Variants in CA10 observed in about 807,000 individuals in gnomAD.
The protein encoded by CA10 is carbonic anhydrase-related protein 10.
CA10 carries 14 observed loss-of-function variants against 44.2 expected under a neutral mutation model. The observed-to-expected ratio is 0.32, with a 90% CI of 0.21 to 0.50. The LOEUF (loss-of-function observed/expected upper bound fraction) is 0.50. Among genes scored for constraint, CA10 ranks in the 20% least tolerant of loss-of-function variants. CA10 has a pLI of 0.99. For synonymous variants in CA10, 159 were observed against 141.6 expected, an observed-to-expected ratio of 1.12 and a Z score of -0.87; for missense variants, 350 against 409.7, an observed-to-expected ratio of 0.85 and a Z score of 1.26.
intron 1 of CA10, among the ~76,000 whole-genome samples, chr17:52,108,187 ATATT>A (rs1255976990): frequency 8.6e-5 from 4 of 46,654 alleles, no homozygotes; most frequent in Admixed American, 3.9e-4. Flanking sequence ...TTTTATATAT[ATATT>A]TTTTATATAT....
At chr17:51,687,447 A>G (rs1347990968) in intron 4 of CA10, among the ~76,000 whole-genome samples, 1 of 152,256 alleles carries the variant, frequency 6.6e-6, no homozygotes, top group Non-Finnish European at 1.5e-5. Context: ...TCAATGCCTA[A>G]TATAGAGCCT....
intron 1 of CA10, among the ~76,000 whole-genome samples, chr17:52,146,302 G>A (rs1225503833): frequency 6.6e-6 from 1 of 152,180 alleles, no homozygotes; most frequent in African/African-American, 2.4e-5. Context: ...GTTCACGCCT[G>A]TAATCCCACC....
At chr17:51,842,216 T>C (rs919201994) in intron 3 of CA10, among the ~76,000 whole-genome samples, 23 of 152,322 alleles carry the variant, frequency 1.5e-4, no homozygotes, top group African/African-American at 5.1e-4. Flanking sequence ...CAGGGTCAGC[T>C]ACAGTTACTA....
rs546183005 is a variant in CA10, at chr17:52,014,119, A to T, written c.136+58200T>A. ...CATATTAAAAATAATATCAGGTACC[A>T]TTTAAAAATAACCTTATAATGAAAA... On this transcript the variant is annotated intron_variant, in intron 2 of 8. Coordinates refer to ENST00000451037, the MANE Select transcript of CA10 (RefSeq NM_020178.5). 2.6e-5 allele frequency among the ~76,000 whole-genome samples: 4 copies of T among 152,066 alleles called. No homozygotes were observed. In the East Asian group the frequency reaches 5.8e-4, roughly 22 times the overall value.
In CA10 at chr17:51,631,582, C is replaced by A. The variant is rs1193651918; in HGVS notation, c.*2G>T. Reference sequence around the variant, plus strand: ...AGGTGGGATTCTTCTTGGCTTTGTTCCCTACTTGAGGAGCCATTCATTTAC... The same window carrying A: ...AGGTGGGATTCTTCTTGGCTTTGTTACCTACTTGAGGAGCCATTCATTTAC... On this transcript the variant is annotated 3_prime_UTR_variant, in exon 9 of 9. Transcript: ENST00000451037. 6.2e-7 allele frequency: 1 copy of A among 1,612,756 alleles called. No homozygotes were observed. Among genetic ancestry groups the A allele is most frequent in the Admixed American group, 1.7e-5 (1 of 59,970 alleles).
intron 1 of CA10, among the ~76,000 whole-genome samples, chr17:52,095,759 TTC>T (rs771940138): frequency 5.3e-5 from 8 of 152,260 alleles, no homozygotes; most frequent in African/African-American, 7.2e-5. Flanking sequence ...TTTACTTTCA[TTC>T]TCTCTTTCTG....
In CA10 at chr17:52,119,432, T is replaced by C. The variant is rs1409242612; in HGVS notation, c.61+38294A>G. 2.0e-5 allele frequency among the ~76,000 whole-genome samples: 3 copies of C among 152,180 alleles called. No individual in the cohort carries two copies. The East Asian group carries it at 5.8e-4, about 29-fold the overall frequency. On this transcript the variant is annotated intron_variant, in intron 1 of 8. Coordinates refer to ENST00000451037, the MANE Select transcript of CA10 (RefSeq NM_020178.5). ...CCCTTGGGAAAACTGGCCTCACACC[T>C]TGTATTCACAGTCCCTGTACAGGGT... is the stretch of plus-strand genomic sequence containing the variant.
chr17:51,819,808 A>G (rs1206273642), intron 3 of CA10, among the ~76,000 whole-genome samples: 2 of 152,140 alleles, frequency 1.3e-5, no homozygotes, highest in Non-Finnish European at 2.9e-5. Flanking sequence ...TGTTGCCTCC[A>G]GACTCAGCCT....
At chr17:51,970,959 G>A (rs1417181349) in intron 2 of CA10, among the ~76,000 whole-genome samples, 1 of 152,016 alleles carries the variant, frequency 6.6e-6, no homozygotes, top group Non-Finnish European at 1.5e-5. Context: ...GGATTTGCAT[G>A]GGAAATATTG....
At chr17:51,843,837 C>T (rs1978381224) in intron 3 of CA10, among the ~76,000 whole-genome samples, 1 of 152,134 alleles carries the variant, frequency 6.6e-6, no homozygotes, top group African/African-American at 2.4e-5. Context: ...AGAGTCTCCA[C>T]AGTTGCAAAG....
chr17:51,938,346 CGAGGGT>C (rs1196176754), intron 2 of CA10, among the ~76,000 whole-genome samples: 2 of 152,004 alleles, frequency 1.3e-5, no homozygotes, highest in African/African-American at 4.8e-5. Context: ...CAGAAACAGT[CGAGGGT>C]GAAGGATCCA....
At chr17:52,012,440 T>C (rs965257373) in intron 2 of CA10, among the ~76,000 whole-genome samples, 4 of 151,978 alleles carry the variant, frequency 2.6e-5, no homozygotes, top group Non-Finnish European at 4.4e-5. Flanking sequence ...TTATTTGAAA[T>C]GGTAGAAGCT....
At chr17:51,798,697 C>A (rs1048229515) in intron 3 of CA10, among the ~76,000 whole-genome samples, 1 of 152,072 alleles carries the variant, frequency 6.6e-6, no homozygotes, top group Non-Finnish European at 1.5e-5. Context: ...ACAAGTATGG[C>A]CAACCCAAAA....
intron 2 of CA10, among the ~76,000 whole-genome samples, chr17:51,951,784 G>C (rs1343676085): frequency 1.3e-5 from 2 of 152,156 alleles, no homozygotes; most frequent in African/African-American, 4.8e-5. Flanking sequence ...AACAAAATCT[G>C]ATCTTCAAGA....
intron 2 of CA10, among the ~76,000 whole-genome samples, chr17:52,038,633 A>G (rs1413224281): frequency 4.6e-5 from 7 of 152,202 alleles, no homozygotes; most frequent in African/African-American, 1.4e-4. Flanking sequence ...GAGAAATCAG[A>G]TCTGTCTCAT....
At chr17:51,958,911 T>A (rs1005623011) in intron 2 of CA10, among the ~76,000 whole-genome samples, 1 of 152,116 alleles carries the variant, frequency 6.6e-6, no homozygotes, top group Admixed American at 6.6e-5. Flanking sequence ...TAAATAAATA[T>A]AAGGAGTCTA....
chr17:51,676,488 G>A (rs911621303), intron 4 of CA10, among the ~76,000 whole-genome samples: 20 of 152,176 alleles, frequency 1.3e-4, no homozygotes, highest in African/African-American at 4.8e-4. Context: ...CAGACCTACT[G>A]CACCAGCATT....
At chr17:51,636,772 A>ATT (rs1491164994) in intron 6 of CA10, among the ~76,000 whole-genome samples, 1 of 57,392 alleles carries the variant, frequency 1.7e-5, no homozygotes, top group African/African-American at 6.6e-5. Flanking sequence ...ACAACTGATT[A>ATT]TTTTGTGTGT....
At chr17:51,890,838 A>G (rs1045559909) in intron 3 of CA10, among the ~76,000 whole-genome samples, 3 of 152,194 alleles carry the variant, frequency 2.0e-5, no homozygotes, top group African/African-American at 7.2e-5. Context: ...GTTGACAGTT[A>G]TGCCAGGAGA....
Sources: gnomAD v4.1 joint callset for allele counts (sites outside exome capture counted in the v4.1 genomes callset) on GRCh38, gnomAD v4.1.1 for gene constraint, MANE v1.5 for transcripts, NCBI Gene and HGNC (gene_info 2026-07-23, HGNC 2026-07-21) for gene names.